SLC2A13: variants seen among roughly 807,000 people sequenced by gnomAD.
The protein encoded by SLC2A13 is solute carrier family 2 member 13, also known as proton myo-inositol cotransporter.
Under a neutral mutation model 64.4 loss-of-function variants are expected in SLC2A13, and 32 were observed. That is an observed-to-expected ratio of 0.50 (90% CI 0.37 to 0.67). The LOEUF (loss-of-function observed/expected upper bound fraction) is 0.67. SLC2A13 is among the 30% of genes least tolerant of loss of function. The pLI, the probability that SLC2A13 is intolerant of heterozygous loss-of-function variation, is 0.00. For missense variants in SLC2A13, 743 were observed against 829.2 expected (o/e 0.90, Z 1.28); for synonymous variants, 338 against 327.1 (o/e 1.03, Z -0.36).
chr12:40,080,581 G>A (rs141025863), intron 1 of SLC2A13, among the ~76,000 whole-genome samples: 23 of 152,014 alleles, frequency 1.5e-4, no homozygotes, highest in South Asian at 2.1e-4. Flanking sequence ...TGGTAGAGAC[G>A]GGGTTTCATC....
intron 4 of SLC2A13, among the ~76,000 whole-genome samples, chr12:39,949,105 T>C (rs1307565806): frequency 6.6e-6 from 1 of 152,194 alleles, no homozygotes; most frequent in Non-Finnish European, 1.5e-5. Flanking sequence ...TTACAGTGTA[T>C]CATAATGACA....
intron 1 of SLC2A13, among the ~76,000 whole-genome samples, chr12:40,095,056 T>C (rs1390417165): frequency 1.3e-5 from 2 of 152,192 alleles, no homozygotes; most frequent in Non-Finnish European, 2.9e-5. Flanking sequence ...CTGAGATACA[T>C]ACAATAGTAA....
intron 3 of SLC2A13, among the ~76,000 whole-genome samples, chr12:40,014,916 C>A (rs539729030): frequency 6.6e-6 from 1 of 152,162 alleles, no homozygotes; most frequent in Non-Finnish European, 1.5e-5. Context: ...CAAATGACTA[C>A]ACTTTGGGAA....
chr12:39,760,375 C>A (rs1002761278), intron 9 of SLC2A13, 123 bp from the exon 10 acceptor site: 10 of 753,030 alleles, frequency 1.3e-5, no homozygotes, highest in Non-Finnish European at 2.1e-5. Context: ...ATGAAATGGA[C>A]CAAAAAATTA....
At position 39,755,811 on chromosome 12, in the gene SLC2A13, T is replaced by C. The variant is rs1939956803; in HGVS notation, c.*4215A>G. On this transcript the variant is annotated 3_prime_UTR_variant, in exon 10 of 10. Coordinates refer to ENST00000280871, the MANE Select transcript of SLC2A13 (RefSeq NM_052885.4). ...ACTATATATTTTGTACATATAAAGATTTACATAAATTATATTGTTTTAGCT... is the reference window on the plus strand; with the variant it reads ...ACTATATATTTTGTACATATAAAGACTTACATAAATTATATTGTTTTAGCT... 2 of 152,044 alleles carry C rather than the reference T, an allele frequency of 1.3e-5. No homozygotes were observed. Among genetic ancestry groups the C allele is most frequent in the African/African-American group, 2.4e-5 (1 of 41,424 alleles). 9.4% of individuals were successfully genotyped at this position (152,044 alleles called of 1,614,324 possible).
chr12:39,973,076 A>C (rs2136133856), intron 3 of SLC2A13, among the ~76,000 whole-genome samples: 1 of 152,234 alleles, frequency 6.6e-6, no homozygotes, highest in South Asian at 2.1e-4. Flanking sequence ...TCAATCAATC[A>C]ATCAATCAAT....
At chr12:39,822,513 C>T (rs1172371022) in intron 7 of SLC2A13, among the ~76,000 whole-genome samples, 3 of 152,104 alleles carry the variant, frequency 2.0e-5, no homozygotes, top group South Asian at 4.1e-4. Context: ...ACTTTCTCAG[C>T]CCCCTTTTTA....
intron 2 of SLC2A13, among the ~76,000 whole-genome samples, chr12:40,045,895 T>A (rs1460797428): frequency 6.6e-6 from 1 of 152,162 alleles, no homozygotes; most frequent in Non-Finnish European, 1.5e-5. Context: ...ACTTTAAATC[T>A]TTTTTTCTCT....
chr12:39,992,274 C>T (rs1051247676), intron 3 of SLC2A13, among the ~76,000 whole-genome samples: 3 of 152,154 alleles, frequency 2.0e-5, no homozygotes, highest in South Asian at 2.1e-4. Flanking sequence ...CAAGTGATTA[C>T]GTTGTGCTTT....
At chr12:39,828,833 C>G (rs1204944033) in intron 7 of SLC2A13, among the ~76,000 whole-genome samples, 1 of 151,842 alleles carries the variant, frequency 6.6e-6, no homozygotes, top group Admixed American at 6.6e-5. Flanking sequence ...GAACTATAAA[C>G]TGAGTATTTT....
At chr12:40,037,510 T>C (rs1407673331) in intron 2 of SLC2A13, among the ~76,000 whole-genome samples, 1 of 151,444 alleles carries the variant, frequency 6.6e-6, no homozygotes, top group Non-Finnish European at 1.5e-5. Context: ...TCCCACCTAC[T>C]CAGGAGGTTG....
rs28370792 is a variant in SLC2A13 at position 40,029,361 on chromosome 12, A to G, written c.717-852T>C. On this transcript the variant is annotated intron_variant, in intron 2 of 9. Coordinates refer to ENST00000280871, the MANE Select transcript of SLC2A13 (RefSeq NM_052885.4). ...TAGATAAAATTTAAGCTGTCTTTCA[A>G]ATGGAAACTTCCATGCATCTACGAT... Among the ~76,000 whole-genome samples, 1,439 of 152,302 alleles carry G rather than the reference A, an allele frequency of 9.4e-3. 26 individuals are homozygous for G. The highest frequency in any genetic ancestry group is 0.033 in the African/African-American group (1,359 of 41,574).
At chr12:39,957,519 C>T (rs186021412) in intron 3 of SLC2A13, among the ~76,000 whole-genome samples, 2 of 152,142 alleles carry the variant, frequency 1.3e-5, no homozygotes, top group East Asian at 1.9e-4. Flanking sequence ...CTCTATCCAG[C>T]CTCAGTTCCA....
At position 40,020,838 on chromosome 12, in the gene SLC2A13, T is replaced by C. The variant is rs187392345; in HGVS notation, c.925+7463A>G. Among the ~76,000 whole-genome samples, 403 of 152,162 alleles carry C rather than the reference T, an allele frequency of 2.6e-3. 1 individual carries two copies. The highest frequency in any genetic ancestry group is 1.8e-3 in the Non-Finnish European group (125 of 67,998). ...GCAGACTATCACCTATACTGAATGA[T>C]GGATTTCAAGTTAAGTTGGAAGTGA... is the stretch of plus-strand genomic sequence containing the variant. On this transcript the variant is annotated intron_variant, in intron 3 of 9. Coordinates refer to ENST00000280871, the MANE Select transcript of SLC2A13 (RefSeq NM_052885.4).
At chr12:40,066,005 T>C (rs1461063555) in intron 1 of SLC2A13, among the ~76,000 whole-genome samples, 3 of 152,218 alleles carry the variant, frequency 2.0e-5, no homozygotes, top group South Asian at 2.1e-4. Flanking sequence ...TCTAAAAGTA[T>C]TTATACTTGG....
chr12:39,910,238 A>G (rs1191595593), intron 4 of SLC2A13, among the ~76,000 whole-genome samples: 2 of 152,118 alleles, frequency 1.3e-5, no homozygotes, highest in Non-Finnish European at 2.9e-5. Context: ...CATCTTTAAT[A>G]ATGGCTGTAT....
chr12:39,977,679 G>T (rs28370736), intron 3 of SLC2A13, among the ~76,000 whole-genome samples: 1 of 152,168 alleles, frequency 6.6e-6, no homozygotes, highest in Non-Finnish European at 1.5e-5. Flanking sequence ...GACACACTCC[G>T]AATATCCTCA....
intron 7 of SLC2A13, among the ~76,000 whole-genome samples, chr12:39,797,213 G>A (rs1431313493): frequency 3.9e-5 from 6 of 152,104 alleles, no homozygotes; most frequent in South Asian, 4.1e-4. Flanking sequence ...AAGTAAGCAC[G>A]CCAACATACC....
intron 2 of SLC2A13, among the ~76,000 whole-genome samples, chr12:40,046,472 C>T (rs1204863207): frequency 6.6e-6 from 1 of 152,120 alleles, no homozygotes; most frequent in African/African-American, 2.4e-5. Flanking sequence ...ATATTACTTA[C>T]ATTAATAAAA....
Sources: gnomAD v4.1 joint callset for allele counts (sites outside exome capture counted in the v4.1 genomes callset) on GRCh38, gnomAD v4.1.1 for gene constraint, MANE v1.5 for transcripts, NCBI Gene and HGNC (gene_info 2026-07-23, HGNC 2026-07-21) for gene names.